PCDHGA12: variants seen among roughly 807,000 people sequenced by gnomAD.
PCDHGA12 encodes the protein protocadherin gamma-A12.
In PCDHGA12, 43 loss-of-function variants were observed where a neutral mutation model predicts 61.1. The observed-to-expected ratio is 0.70, with a 90% confidence interval of 0.55 to 0.91. The LOEUF is 0.91. Among genes scored for constraint, PCDHGA12 ranks in the 40% least tolerant of loss-of-function variants. PCDHGA12 has a pLI of 0.00. For synonymous variants in PCDHGA12, 520 were observed against 542.9 expected, an observed-to-expected ratio of 0.96 and a Z score of 0.59; for missense variants, 1,236 against 1,227.7, an observed-to-expected ratio of 1.01 and a Z score of -0.10.
Position 141,491,482 on chromosome 5 carries a change from A to G in PCDHGA12, c.2425-3325A>G. On this transcript the variant is annotated intron_variant, in intron 1 of 3. Coordinates refer to ENST00000252085, the MANE Select transcript of PCDHGA12 (RefSeq NM_003735.3). The surrounding 1 kb of genome is among the most constrained non-coding windows in gnomAD (Gnocchi z 6.9). Reference sequence around the variant, plus strand: ...GGACTTCTATAAGCAGTCCAGCCCCAACCTGCAGGTGAGCTCGGACGGCAC... The same window carrying G: ...GGACTTCTATAAGCAGTCCAGCCCCGACCTGCAGGTGAGCTCGGACGGCAC... 1 of 1,614,088 alleles carries G rather than the reference A, an allele frequency of 6.2e-7. No individual in the cohort carries two copies. The highest frequency in any genetic ancestry group is 8.5e-7 in the Non-Finnish European group (1 of 1,180,006).
Position 141,487,631 on chromosome 5 carries a change from G to T in PCDHGA12, c.2425-7176G>T. Reference sequence around the variant, plus strand: ...TGGGCTAGAGGTGAGACCTTTGCAGGCTCAACAAATGCTTGAGGGTTATTC... The same window carrying T: ...TGGGCTAGAGGTGAGACCTTTGCAGTCTCAACAAATGCTTGAGGGTTATTC... On this transcript the variant is annotated intron_variant, in intron 1 of 3. Transcript: ENST00000252085. The surrounding 1 kb of genome is among the most constrained non-coding windows in gnomAD (Gnocchi z 5.0). The T allele has an allele frequency of 6.2e-7, 1 of 1,614,176 alleles. No individual in the cohort carries two copies. Among genetic ancestry groups the T allele is most frequent in the Non-Finnish European group, 8.5e-7 (1 of 1,180,032 alleles).
Position 141,486,070 on chromosome 5 carries a change from T to C in PCDHGA12, c.2425-8737T>C. ...ACCTCTTTAGCCTGCACCCCACTAC[T>C]GGAAAGCTTACTCTTTTGGGGCCCC... On this transcript the variant is annotated intron_variant, in intron 1 of 3. Coordinates refer to ENST00000252085, the MANE Select transcript of PCDHGA12 (RefSeq NM_003735.3). The surrounding 1 kb of genome is among the most constrained non-coding windows in gnomAD (Gnocchi z 5.0). 6.2e-7 allele frequency: 1 copy of C among 1,614,158 alleles called. No homozygotes were observed. The highest frequency in any genetic ancestry group is 8.5e-7 in the Non-Finnish European group (1 of 1,180,010).
At chr5:141,499,679 T>G (rs2099793341) in intron 2 of PCDHGA12, among the ~76,000 whole-genome samples, 1 of 150,922 alleles carries the variant, frequency 6.6e-6, no homozygotes, top group South Asian at 2.1e-4. Context: ...CCACCATCTT[T>G]AACAGATGAC....
rs751214480 is a variant in PCDHGA12, at chr5:141,485,161, G to A, written c.2425-9646G>A. ...CGTCTCAGGAGCAAGTAGAGAATTA[G>A]CGGGCGGCAGCAATGCTCCGCAAGG... On this transcript the variant is annotated intron_variant, in intron 1 of 3. Transcript: ENST00000252085. The surrounding 1 kb of genome is among the most constrained non-coding windows in gnomAD (Gnocchi z 5.7). The A allele has an allele frequency of 8.1e-6, 13 of 1,603,712 alleles. No individual in the cohort carries two copies. The Admixed American group carries it at 2.0e-4, about 25-fold the overall frequency.
intron 1 of PCDHGA12, chr5:141,441,726 C>A: frequency 2.8e-6 from 1 of 353,524 alleles, no homozygotes; most frequent in Non-Finnish European, 5.6e-6. Flanking sequence ...GGCCCGCGAC[C>A]AGGACTAGCT....
chr5:141,485,930 G>A lies in PCDHGA12; in HGVS notation c.2425-8877G>A. ...ATCCAGCTACAGGATTAGTGTGTTG[G>A]AGAGCGCACCAGCGGGCATGGTGCT... On this transcript the variant is annotated intron_variant, in intron 1 of 3. Transcript: ENST00000252085. This position sits in a 1 kb window ranked among gnomAD's most constrained non-coding sequence, Gnocchi z 5.7. The A allele has an allele frequency of 6.2e-7, 1 of 1,614,178 alleles. No homozygotes were observed. Among genetic ancestry groups the A allele is most frequent in the Non-Finnish European group, 8.5e-7 (1 of 1,180,042 alleles).
chr5:141,490,412 C>T lies in PCDHGA12; in HGVS notation c.2425-4395C>T, dbSNP rs2233605. 10 of 1,614,062 alleles carry T rather than the reference C, an allele frequency of 6.2e-6. No homozygotes were observed. The highest frequency in any genetic ancestry group is 4.0e-5 in the African/African-American group (3 of 74,910). Reference sequence around the variant, plus strand: ...GGTGAAGTGAGCCTTGATATCTCTCCGGACCTGCCATTTCAGATTAAGCCT... The same window carrying T: ...GGTGAAGTGAGCCTTGATATCTCTCTGGACCTGCCATTTCAGATTAAGCCT... On this transcript the variant is annotated intron_variant, in intron 1 of 3. Transcript: ENST00000252085. This position sits in a 1 kb window ranked among gnomAD's most constrained non-coding sequence, Gnocchi z 5.4.
chr5:141,489,660 G>A lies in PCDHGA12; in HGVS notation c.2425-5147G>A, dbSNP rs763985085. 3 of 1,614,096 alleles carry A rather than the reference G, an allele frequency of 1.9e-6. No individual in the cohort carries two copies. Among genetic ancestry groups the A allele is most frequent in the Non-Finnish European group, 2.5e-6 (3 of 1,180,036 alleles). On this transcript the variant is annotated intron_variant, in intron 1 of 3. Coordinates refer to ENST00000252085, the MANE Select transcript of PCDHGA12 (RefSeq NM_003735.3). The surrounding 1 kb of genome is among the most constrained non-coding windows in gnomAD (Gnocchi z 4.5). Reference sequence around the variant, plus strand: ...GCTTTGCCACCCCTGAGCGAGAGATGCGCATCTCAGAATCAGCAGCATCTG... The same window carrying A: ...GCTTTGCCACCCCTGAGCGAGAGATACGCATCTCAGAATCAGCAGCATCTG...
intron 1 of PCDHGA12, among the ~76,000 whole-genome samples, chr5:141,453,357 C>T (rs1027586816): frequency 1.3e-5 from 2 of 152,002 alleles, no homozygotes; most frequent in Admixed American, 6.6e-5. Flanking sequence ...TGACCCTGAA[C>T]TCCTGGGGTC....
Position 141,431,690 on chromosome 5 carries a change from G to A in PCDHGA12, c.931G>A (p.Glu311Lys). 1.2e-6 allele frequency: 2 copies of A among 1,614,234 alleles called. No individual in the cohort carries two copies. Among genetic ancestry groups the A allele is most frequent in the Non-Finnish European group, 8.5e-7 (1 of 1,180,040 alleles). The change falls in exon 1 of 4, where the codon GAG becomes AAG. Residue 311 changes from glutamate to lysine, a missense_variant. Glu to Lys is a moderately conservative substitution (Grantham distance 56, BLOSUM62 1). Coordinates refer to ENST00000252085, the MANE Select transcript of PCDHGA12 (RefSeq NM_003735.3). The surrounding 1 kb of genome is among the most constrained non-coding windows in gnomAD (Gnocchi z 4.8). ...ISTIGELDHE[E>K]SGFYQMEVQA... ...AACAATAGGGGAGTTGGACCACGAG[G>A]AGTCAGGATTCTACCAGATGGAAGT... is the stretch of plus-strand genomic sequence containing the variant.
intron 2 of PCDHGA12, among the ~76,000 whole-genome samples, chr5:141,502,109 C>G (rs2099812899): frequency 1.3e-5 from 2 of 152,182 alleles, no homozygotes; most frequent in Admixed American, 1.3e-4. Flanking sequence ...ACCCTGCACC[C>G]TCAGCCAGGC....
At chr5:141,495,240 C>T (rs2099759761) in intron 2 of PCDHGA12, among the ~76,000 whole-genome samples, 1 of 152,182 alleles carries the variant, frequency 6.6e-6, no homozygotes, top group South Asian at 2.1e-4. Context: ...TCCATTATGA[C>T]CTGGGGCTCA....
At chr5:141,457,500 A>G (rs1483244745) in intron 1 of PCDHGA12, among the ~76,000 whole-genome samples, 1 of 152,244 alleles carries the variant, frequency 6.6e-6, no homozygotes, top group African/African-American at 2.4e-5. Context: ...AAATGTAGGC[A>G]AAAAGCTTAA....
At chr5:141,496,639 C>T (rs752903356) in intron 2 of PCDHGA12, among the ~76,000 whole-genome samples, 1 of 152,222 alleles carries the variant, frequency 6.6e-6, no homozygotes, top group Non-Finnish European at 1.5e-5. Context: ...TTGGGCTGCC[C>T]TTGCCCTTCC....
rs2099746867 is a variant in PCDHGA12, at chr5:141,493,199, C to T, written c.2425-1608C>T. Among the ~76,000 whole-genome samples the T allele has an allele frequency of 6.6e-6, 1 of 152,168 alleles. No individual in the cohort carries two copies. Among genetic ancestry groups the T allele is most frequent in the Non-Finnish European group, 1.5e-5 (1 of 68,020 alleles). ...CTTACTATATAACTCCTTTGAGAAC[C>T]TCATCTCATTTGCTCTTCCCACCAT... On this transcript the variant is annotated intron_variant, in intron 1 of 3. Coordinates refer to ENST00000252085, the MANE Select transcript of PCDHGA12 (RefSeq NM_003735.3). This position sits in a 1 kb window ranked among gnomAD's most constrained non-coding sequence, Gnocchi z 4.3.
At chr5:141,436,239 G>T (rs1426798903) in intron 1 of PCDHGA12, among the ~76,000 whole-genome samples, 2 of 152,012 alleles carry the variant, frequency 1.3e-5, no homozygotes, top group South Asian at 2.1e-4. Flanking sequence ...AAGCTAACAT[G>T]GTCTAATTAT....
chr5:141,444,146 T>C (rs2098418879), intron 1 of PCDHGA12, among the ~76,000 whole-genome samples: 2 of 145,824 alleles, frequency 1.4e-5, no homozygotes, highest in South Asian at 4.3e-4. Flanking sequence ...CACTTGTGTG[T>C]ACTGGATTTT....
chr5:141,485,214 G>T lies in PCDHGA12; in HGVS notation c.2425-9593G>T. 6.2e-7 allele frequency: 1 copy of T among 1,614,164 alleles called. No individual in the cohort carries two copies. The highest frequency in any genetic ancestry group is 8.5e-7 in the Non-Finnish European group (1 of 1,179,996). On this transcript the variant is annotated intron_variant, in intron 1 of 3. Transcript: ENST00000252085. This position sits in a 1 kb window ranked among gnomAD's most constrained non-coding sequence, Gnocchi z 5.7. ...AGAAGCTGGACAGAAATCTGGCGGT[G>T]GGCTACCCTTTTGTTCCTCTTTTAC...
In PCDHGA12 at chr5:141,511,036, G is replaced by T; in HGVS notation, c.2662G>T (p.Val888Leu). The T allele has an allele frequency of 1.2e-6, 2 of 1,614,200 alleles. No homozygotes were observed. The highest frequency in any genetic ancestry group is 1.7e-6 in the Non-Finnish European group (2 of 1,180,024). Residue 888 changes from valine to leucine, a missense_variant, in exon 4 of 4, where the codon GTG (valine) becomes TTG (leucine). Transcript: ENST00000252085. ...RYGPQFTLQHVPDYRQNVYIP... is the reference protein window; with the variant it reads ...RYGPQFTLQHLPDYRQNVYIP... Reference sequence around the variant, plus strand: ...CGGACCCCAGTTCACCCTGCAGCACGTGCCCGACTACCGCCAGAATGTCTA... The same window carrying T: ...CGGACCCCAGTTCACCCTGCAGCACTTGCCCGACTACCGCCAGAATGTCTA...
Sources: allele counts gnomAD v4.1 joint callset (sites outside exome capture counted in the v4.1 genomes callset), GRCh38; gene constraint gnomAD v4.1.1; non-coding constraint Gnocchi (gnomAD v3.1); transcripts MANE v1.5; gene names NCBI Gene and HGNC (gene_info 2026-07-23, HGNC 2026-07-21).